DLGAP1: variants seen among roughly 807,000 people sequenced by gnomAD.
The protein encoded by DLGAP1 is DLG associated protein 1.
In DLGAP1, 11 loss-of-function variants were observed where a neutral mutation model predicts 90.8. The ratio of observed to expected loss-of-function variants is 0.12; its 90% confidence interval spans 0.08 to 0.20. The LOEUF is 0.20. DLGAP1 is among the 10% of genes least tolerant of loss of function. DLGAP1 has a pLI of 1.00. For missense variants in DLGAP1, 1,050 were observed against 1,333.8 expected, an observed-to-expected ratio of 0.79 and a Z score of 3.31; for synonymous variants, 558 against 540.7, an observed-to-expected ratio of 1.03 and a Z score of -0.44.
At chr18:4,256,717 C>T (rs1345368036) in intron 1 of DLGAP1, among the ~76,000 whole-genome samples, 1 of 152,054 alleles carries the variant, frequency 6.6e-6, no homozygotes. Context: ...TTTACTCTCT[C>T]CTGAGAGAAC....
At chr18:3,978,069 A>G in intron 3 of DLGAP1, 1 of 384,382 alleles carries the variant, frequency 2.6e-6, no homozygotes, top group Non-Finnish European at 5.1e-6. Context: ...GGGGCCATCC[A>G]CAGTTTTCTG....
intron 1 of DLGAP1, among the ~76,000 whole-genome samples, chr18:4,447,994 T>C (rs1015124118): frequency 3.9e-5 from 6 of 152,180 alleles, no homozygotes; most frequent in African/African-American, 1.4e-4. Context: ...TCAGGTCTAA[T>C]TAAAGTGGAG....
intron 1 of DLGAP1, among the ~76,000 whole-genome samples, chr18:4,447,967 CTCAA>C (rs1357789839): frequency 1.3e-5 from 2 of 152,136 alleles, no homozygotes; most frequent in African/African-American, 4.8e-5. Context: ...TAATGACCCT[CTCAA>C]TCAAATTCAT....
At chr18:4,248,427 T>G (rs1568470490) in intron 1 of DLGAP1, 1 of 152,208 alleles carries the variant, frequency 6.6e-6, no homozygotes, top group Non-Finnish European at 1.5e-5. Context: ...CTTTATTATT[T>G]TCCAGCAAAT....
intron 8 of DLGAP1, among the ~76,000 whole-genome samples, chr18:3,579,954 A>G (rs1266270659): frequency 2.0e-5 from 3 of 152,064 alleles, no homozygotes; most frequent in Non-Finnish European, 4.4e-5. Context: ...TGGTCATTCA[A>G]TAGTGTTGAA....
At chr18:4,274,083 T>C (rs958119340) in intron 1 of DLGAP1, among the ~76,000 whole-genome samples, 7 of 151,662 alleles carry the variant, frequency 4.6e-5, no homozygotes, top group Admixed American at 4.6e-4. Flanking sequence ...TTTTTTTTTT[T>C]CCTCCGTCTT....
intron 3 of DLGAP1, among the ~76,000 whole-genome samples, chr18:3,924,359 G>A (rs969937052): frequency 1.3e-5 from 2 of 152,170 alleles, no homozygotes; most frequent in South Asian, 4.1e-4. Context: ...CAGGTGTGGT[G>A]CCCTAGGTCC....
At chr18:4,405,181 G>A (rs2082637180) in intron 1 of DLGAP1, among the ~76,000 whole-genome samples, 1 of 152,118 alleles carries the variant, frequency 6.6e-6, no homozygotes. Flanking sequence ...ACTCAAAATT[G>A]GGTTTACATC....
At chr18:4,291,137 G>A (rs904608250) in intron 1 of DLGAP1, among the ~76,000 whole-genome samples, 1 of 152,166 alleles carries the variant, frequency 6.6e-6, no homozygotes, top group African/African-American at 2.4e-5. Flanking sequence ...TTTATATTAT[G>A]GGTGATGGTA....
intron 2 of DLGAP1, among the ~76,000 whole-genome samples, chr18:4,145,022 T>G (rs2076561553): frequency 6.6e-6 from 1 of 152,204 alleles, no homozygotes; most frequent in South Asian, 2.1e-4. Context: ...TTTCAGAGAG[T>G]ACTTAATCGG....
chr18:3,776,855 A>G lies in DLGAP1; in HGVS notation c.1173-34343T>C, dbSNP rs544282637. On this transcript the variant is annotated intron_variant, in intron 5 of 12. Coordinates refer to ENST00000315677, the MANE Select transcript of DLGAP1 (RefSeq NM_004746.4). ...ACCCAGGCTGGAGTGCAGTGGCACA[A>G]TCATGGCTCACTGCAGCCTCAACCT... is the stretch of plus-strand genomic sequence containing the variant. Among the ~76,000 whole-genome samples the G allele has an allele frequency of 3.3e-5, 5 of 152,326 alleles. No individual in the cohort carries two copies. The South Asian group carries it at 8.3e-4, about 25-fold the overall frequency.
Position 3,879,608 on chromosome 18 carries a change from G to C in DLGAP1, c.461C>G (p.Ser154Cys). The change falls in exon 4 of 13, where the codon TCC (serine) becomes TGC (cysteine). Residue 154 changes from serine to cysteine, a missense_variant. This residue lies in a region of DLGAP1 where 485 missense variants were observed against 454.1 expected (regional missense o/e 1.07). Coordinates refer to ENST00000315677, the MANE Select transcript of DLGAP1 (RefSeq NM_004746.4). The surrounding 1 kb of genome is among the most constrained non-coding windows in gnomAD (Gnocchi z 6.6). ...GCTGCCCTTGGACGGCCCCTCCAGGGAGTGCGACTTGGTGAAGAGCTTCTG... is the reference window on the plus strand; with the variant it reads ...GCTGCCCTTGGACGGCCCCTCCAGGCAGTGCGACTTGGTGAAGAGCTTCTG... ...SVQKLFTKSHSLEGPSKGSVN... is the reference protein window; with the variant it reads ...SVQKLFTKSHCLEGPSKGSVN... 6.2e-7 allele frequency: 1 copy of C among 1,603,324 alleles called. No individual in the cohort carries two copies. The highest frequency in any genetic ancestry group is 8.5e-7 in the Non-Finnish European group (1 of 1,178,710).
rs1404202119 is a variant in DLGAP1 at position 3,879,255 on chromosome 18, G to C, written c.814C>G (p.Pro272Ala). 6.3e-7 allele frequency: 1 copy of C among 1,598,924 alleles called. No homozygotes were observed. The highest frequency in any genetic ancestry group is 8.5e-7 in the Non-Finnish European group (1 of 1,172,358). Residue 272 changes from proline (P) to alanine (A), a missense_variant, in exon 4 of 13, where the codon CCG becomes GCG. Pro to Ala is a conservative substitution (Grantham distance 27). Around this residue, in one of 2 missense-constraint regions of DLGAP1, gnomAD observed 485 missense variants for 454.1 expected, o/e 1.07. Coordinates refer to ENST00000315677, the MANE Select transcript of DLGAP1 (RefSeq NM_004746.4). This position sits in a 1 kb window ranked among gnomAD's most constrained non-coding sequence, Gnocchi z 6.6. ...CANLPVSLDT[P>A]LLKKSAWSST... ...GACCAGGCGCTCTTCTTCAGCAGCG[G>C]GGTGTCCAGGCTGACCGGCAGGTTG...
intron 2 of DLGAP1, among the ~76,000 whole-genome samples, chr18:4,150,516 C>T (rs941030475): frequency 2.6e-5 from 4 of 152,050 alleles, no homozygotes; most frequent in Non-Finnish European, 4.4e-5. Flanking sequence ...TTAGTCTCCC[C>T]AGTAGCTGGG....
chr18:3,537,527 G>A (rs911281880), intron 9 of DLGAP1, among the ~76,000 whole-genome samples: 2 of 152,142 alleles, frequency 1.3e-5, no homozygotes, highest in African/African-American at 4.8e-5. Context: ...GGCCACTTAA[G>A]TTGCTTTCAC....
At chr18:4,184,310 T>C (rs1390055649) in intron 1 of DLGAP1, among the ~76,000 whole-genome samples, 1 of 152,144 alleles carries the variant, frequency 6.6e-6, no homozygotes, top group Non-Finnish European at 1.5e-5. Context: ...TACCAAATGG[T>C]AGAATAATTA....
chr18:3,635,193 G>T (rs28706173), intron 7 of DLGAP1, among the ~76,000 whole-genome samples: 5 of 151,176 alleles, frequency 3.3e-5, no homozygotes, highest in African/African-American at 4.9e-5. Flanking sequence ...TGCAGTGGCG[G>T]GATCTCGGCT....
intron 1 of DLGAP1, among the ~76,000 whole-genome samples, chr18:4,387,044 T>C (rs746116886): frequency 7.9e-5 from 12 of 152,194 alleles, no homozygotes; most frequent in Non-Finnish European, 1.6e-4. Flanking sequence ...AGTATGGGGA[T>C]GATGCTGTTA....
intron 1 of DLGAP1, among the ~76,000 whole-genome samples, chr18:4,338,719 C>A (rs2081125655): frequency 6.6e-6 from 1 of 152,152 alleles, no homozygotes; most frequent in African/African-American, 2.4e-5. Flanking sequence ...CAGCAAGGAG[C>A]TGCTTGTTTC....
Sources: gnomAD v4.1 joint callset for allele counts (sites outside exome capture counted in the v4.1 genomes callset) on GRCh38, gnomAD v4.1.1 for gene constraint, gnomAD v4.1.1 regional missense constraint, Gnocchi (gnomAD v3.1) non-coding constraint, MANE v1.5 for transcripts, NCBI Gene and HGNC (gene_info 2026-07-23, HGNC 2026-07-21) for gene names.